The following GULP1 variants were observed in gnomAD, a reference collection of about 807,000 sequenced individuals.
GULP1 encodes the protein PTB domain-containing engulfment adapter protein 1.
GULP1 carries 19 observed loss-of-function variants against 40.9 expected under a neutral mutation model. The observed-to-expected ratio is 0.46, with a 90% CI of 0.32 to 0.68. GULP1 has a LOEUF of 0.68. Ranked by LOEUF, GULP1 falls within the 30% of genes least tolerant of loss-of-function variation. The pLI, the probability that GULP1 is intolerant of heterozygous loss-of-function variation, is 0.03. For missense variants in GULP1, 312 were observed against 362.2 expected, an observed-to-expected ratio of 0.86 and a Z score of 1.12; for synonymous variants, 119 against 117.6, an observed-to-expected ratio of 1.01 and a Z score of -0.08.
intron 1 of GULP1, among the ~76,000 whole-genome samples, chr2:188,295,771 A>G (rs909775767): frequency 6.6e-6 from 1 of 152,094 alleles, no homozygotes; most frequent in Non-Finnish European, 1.5e-5. Context: ...TGTATATGGG[A>G]TATAGTAGTT....
At chr2:188,425,314 G>A (rs2056033756) in intron 2 of GULP1, among the ~76,000 whole-genome samples, 1 of 152,002 alleles carries the variant, frequency 6.6e-6, no homozygotes, top group South Asian at 2.1e-4. Flanking sequence ...AGACATACTT[G>A]ACATATTTCA....
At chr2:188,378,301 A>G (rs2048561030) in intron 1 of GULP1, among the ~76,000 whole-genome samples, 1 of 151,744 alleles carries the variant, frequency 6.6e-6, no homozygotes, top group African/African-American at 2.4e-5. Flanking sequence ...AAAAGAAAAA[A>G]TCTTAAATGT....
intron 2 of GULP1, among the ~76,000 whole-genome samples, chr2:188,410,939 G>A (rs916623988): frequency 3.9e-5 from 6 of 152,324 alleles, no homozygotes; most frequent in South Asian, 4.1e-4. Context: ...ACAGAGGAAT[G>A]TAAGGGAGTT....
chr2:188,594,559 G>A lies in GULP1; in HGVS notation c.*548G>A, dbSNP rs1181200187. 6.6e-6 allele frequency: 1 copy of A among 151,640 alleles called. No homozygotes were observed. The highest frequency in any genetic ancestry group is 1.5e-5 in the Non-Finnish European group (1 of 67,780). 9.4% of individuals were successfully genotyped at this position (151,640 alleles called of 1,614,324 possible). ...AATGCCACAAGGTCACTAATTTCTA[G>A]CAGGTAAAATTATAAGGATATAAAT... is the stretch of plus-strand genomic sequence containing the variant. On this transcript the variant is annotated 3_prime_UTR_variant, in exon 12 of 12. Transcript: ENST00000409830.
At chr2:188,501,823 A>T (rs1009719428) in intron 4 of GULP1, among the ~76,000 whole-genome samples, 3 of 151,894 alleles carry the variant, frequency 2.0e-5, no homozygotes, top group Non-Finnish European at 2.9e-5. Context: ...CTAGCAATTT[A>T]TTCCTGAAAG....
chr2:188,446,748 G>A (rs913056137), intron 2 of GULP1, among the ~76,000 whole-genome samples: 2 of 152,172 alleles, frequency 1.3e-5, no homozygotes, highest in African/African-American at 2.4e-5. Context: ...GAAAATCAGT[G>A]TTTGAACTTA....
At chr2:188,586,028 G>C (rs1702294853) in intron 10 of GULP1, among the ~76,000 whole-genome samples, 1 of 152,118 alleles carries the variant, frequency 6.6e-6, no homozygotes, top group Non-Finnish European at 1.5e-5. Flanking sequence ...GTCACATCTT[G>C]AATGCTTTGC....
At chr2:188,311,289 C>T (rs565073883) in intron 1 of GULP1, among the ~76,000 whole-genome samples, 7 of 152,182 alleles carry the variant, frequency 4.6e-5, no homozygotes, top group Admixed American at 2.6e-4. Context: ...CTCCACATCC[C>T]GGGTTCAAGC....
intron 1 of GULP1, among the ~76,000 whole-genome samples, chr2:188,374,402 G>T (rs1273590525): frequency 6.6e-6 from 1 of 152,042 alleles, no homozygotes; most frequent in Non-Finnish European, 1.5e-5. Context: ...AATATGCATT[G>T]GTTACTATAG....
At chr2:188,545,641 T>C (rs1016419080) in intron 7 of GULP1, among the ~76,000 whole-genome samples, 2 of 151,536 alleles carry the variant, frequency 1.3e-5, no homozygotes, top group Non-Finnish European at 3.0e-5. Flanking sequence ...TAAAAGCCCA[T>C]AGAGATGCAA....
At chr2:188,467,878 A>G (rs902875383) in intron 2 of GULP1, among the ~76,000 whole-genome samples, 4 of 152,188 alleles carry the variant, frequency 2.6e-5, no homozygotes, top group Non-Finnish European at 5.9e-5. Context: ...TAGATGATAT[A>G]AAAGACATGT....
intron 1 of GULP1, among the ~76,000 whole-genome samples, chr2:188,296,236 T>C (rs1485451128): frequency 6.6e-6 from 1 of 152,060 alleles, no homozygotes; most frequent in Admixed American, 6.5e-5. Context: ...TAACTTTGAA[T>C]GGAGAAATCG....
At chr2:188,516,622 G>A (rs2065200024) in intron 4 of GULP1, among the ~76,000 whole-genome samples, 1 of 152,154 alleles carries the variant, frequency 6.6e-6, no homozygotes, top group African/African-American at 2.4e-5. Context: ...TCCTAAAACA[G>A]GTTCTCACCT....
intron 7 of GULP1, among the ~76,000 whole-genome samples, chr2:188,549,762 A>G (rs536111028): frequency 1.3e-5 from 2 of 151,936 alleles, no homozygotes; most frequent in East Asian, 1.9e-4. Flanking sequence ...TTACTTAGCA[A>G]TAAAAAGGCA....
At chr2:188,551,641 C>T (rs544241816) in intron 7 of GULP1, among the ~76,000 whole-genome samples, 2 of 151,738 alleles carry the variant, frequency 1.3e-5, no homozygotes, top group East Asian at 1.9e-4. Flanking sequence ...CATCTCAGTG[C>T]AGGAATCCCT....
chr2:188,457,832 G>A (rs2059390281), intron 2 of GULP1, among the ~76,000 whole-genome samples: 3 of 152,066 alleles, frequency 2.0e-5, no homozygotes. Flanking sequence ...CCCCACACAT[G>A]CATTCCCTCA....
chr2:188,525,850 ACAAT>A (rs1686039291), intron 5 of GULP1, among the ~76,000 whole-genome samples: 1 of 152,216 alleles, frequency 6.6e-6, no homozygotes, highest in Non-Finnish European at 1.5e-5. Flanking sequence ...TTTTGTCTTC[ACAAT>A]CAGTTACCTA....
chr2:188,577,162 A>G (rs1700326463), intron 9 of GULP1, among the ~76,000 whole-genome samples: 1 of 152,108 alleles, frequency 6.6e-6, no homozygotes, highest in Non-Finnish European at 1.5e-5. Flanking sequence ...ACTGGATTCT[A>G]TTGCTGAGTA....
chr2:188,433,131 A>G (rs1011481139), intron 2 of GULP1, among the ~76,000 whole-genome samples: 3 of 152,152 alleles, frequency 2.0e-5, no homozygotes, highest in Non-Finnish European at 2.9e-5. Flanking sequence ...CTAGAAGACC[A>G]TAACCAGATG....
Sources: gnomAD v4.1 joint callset for allele counts (sites outside exome capture counted in the v4.1 genomes callset) on GRCh38, gnomAD v4.1.1 for gene constraint, MANE v1.5 for transcripts, NCBI Gene and HGNC (gene_info 2026-07-23, HGNC 2026-07-21) for gene names.